The following MAD1L1 variants were observed in gnomAD, a reference collection of about 807,000 sequenced individuals.
MAD1L1 encodes the protein mitotic arrest deficient 1 like 1, also known as mitotic spindle assembly checkpoint protein MAD1.
A neutral mutation model predicts 96.9 loss-of-function variants in MAD1L1; 95 were observed. The ratio of observed to expected loss-of-function variants is 0.98; its 90% CI spans 0.83 to 1.16. The LOEUF is 1.16. Among genes scored for constraint, MAD1L1 ranks in the 50% most tolerant of loss-of-function variants. The pLI, the probability that MAD1L1 is intolerant of heterozygous loss-of-function variation, is 0.00. For missense variants in MAD1L1, 1,007 were observed against 954.4 expected (o/e 1.06, Z -0.73); for synonymous variants, 473 against 396.6 (o/e 1.19, Z -2.29).
intron 14 of MAD1L1, among the ~76,000 whole-genome samples, chr7:1,981,269 G>C (rs11764780): frequency 0.17 from 25,585 of 152,222 alleles, 2,700 homozygotes; most frequent in South Asian, 0.31. Context: ...GCCCGGCCAG[G>C]AGTGTGGATT....
intron 11 of MAD1L1, chr7:2,107,644 T>C (rs1162422437): frequency 5.9e-5 from 9 of 152,412 alleles, no homozygotes; most frequent in African/African-American, 2.2e-4. Context: ...CTCAGGCCTC[T>C]GCTCAGATGC....
At chr7:2,009,127 G>A (rs1253597853) in intron 13 of MAD1L1, among the ~76,000 whole-genome samples, 4 of 152,156 alleles carry the variant, frequency 2.6e-5, no homozygotes, top group Non-Finnish European at 5.9e-5. Context: ...ACGTGTCCCG[G>A]GTGGCTACGT....
rs572954945 is a variant in MAD1L1, at chr7:2,228,723, G to A, written c.150+1261C>T. Among the ~76,000 whole-genome samples, 6 of 149,668 alleles carry A rather than the reference G, an allele frequency of 4.0e-5. No homozygotes were observed. The East Asian group carries it at 1.2e-3, about 29-fold the overall frequency. ...ACAGTCCTCATCAAGAAAGGGCAGT[G>A]AGCAAGCTAGCAACTAGCATTCTTT... On this transcript the variant is annotated intron_variant, in intron 3 of 18. Transcript: ENST00000265854.
At chr7:2,040,814 T>C (rs1266258245) in intron 12 of MAD1L1, among the ~76,000 whole-genome samples, 1 of 152,222 alleles carries the variant, frequency 6.6e-6, no homozygotes, top group Non-Finnish European at 1.5e-5. Flanking sequence ...CTCTTCATTA[T>C]ACTTAACAGA....
Position 2,056,562 on chromosome 7 carries a change from C to A in MAD1L1, c.1218+12632G>T, listed in dbSNP as rs550163524. On this transcript the variant is annotated intron_variant, in intron 12 of 18. Transcript: ENST00000265854. ...GGAAGGAAGTACAAGACTGGCTCCA[C>A]GACCCATCTGCAAAGCGACCCAGGA... is the stretch of plus-strand genomic sequence containing the variant. Among the ~76,000 whole-genome samples, 4 of 152,316 alleles carry A rather than the reference C, an allele frequency of 2.6e-5. No homozygotes were observed. In the South Asian group the frequency reaches 6.2e-4, roughly 24 times the overall value.
intron 12 of MAD1L1, among the ~76,000 whole-genome samples, chr7:2,017,261 A>G (rs1413746619): frequency 6.6e-6 from 1 of 152,220 alleles, no homozygotes; most frequent in Non-Finnish European, 1.5e-5. Context: ...TGCTGAACAA[A>G]CAGGCGGCTG....
intron 13 of MAD1L1, among the ~76,000 whole-genome samples, chr7:2,009,257 C>T (rs1434997709): frequency 1.3e-5 from 2 of 152,222 alleles, no homozygotes; most frequent in Non-Finnish European, 2.9e-5. Flanking sequence ...TCCAACACTC[C>T]TGCCAGCCAG....
intron 14 of MAD1L1, among the ~76,000 whole-genome samples, chr7:1,993,224 C>A (rs147670179): frequency 4.2e-4 from 64 of 152,310 alleles, no homozygotes; most frequent in African/African-American, 1.5e-3. Context: ...CAGTGACATG[C>A]AGGTGACTGA....
Position 1,840,368 on chromosome 7 carries a change from C to T in MAD1L1, c.1999-24140G>A, listed in dbSNP as rs557593213. 3.4e-4 allele frequency among the ~76,000 whole-genome samples: 52 copies of T among 152,336 alleles called. 1 individual carries two copies. The South Asian group carries it at 6.4e-3, about 19-fold the overall frequency. On this transcript the variant is annotated intron_variant, in intron 18 of 18. Coordinates refer to ENST00000265854, the MANE Select transcript of MAD1L1 (RefSeq NM_001013836.2). ...AGTGCGCCCCGGGGTATCTGGGAGA[C>T]GCCTCTGCACAGTCTTTGAATCGGG...
intron 18 of MAD1L1, chr7:1,845,713 T>TGGACACGCTCCACGC (rs1312875656): frequency 1.3e-5 from 2 of 150,450 alleles, no homozygotes; most frequent in Non-Finnish European, 3.0e-5. Flanking sequence ...GTTTAGGAGA[T>TGGACACGCTCCACGC]GGACACGCTC....
chr7:1,896,218 G>A (rs1297960407), intron 18 of MAD1L1, among the ~76,000 whole-genome samples: 2 of 152,222 alleles, frequency 1.3e-5, no homozygotes, highest in South Asian at 2.1e-4. Flanking sequence ...GGAGGGCAGG[G>A]GTTCCTGCCC....
chr7:1,958,012 G>A (rs991403398), intron 15 of MAD1L1, among the ~76,000 whole-genome samples: 3 of 152,214 alleles, frequency 2.0e-5, no homozygotes, highest in Non-Finnish European at 2.9e-5. Context: ...GAACCAGCCC[G>A]AGGCAGGACG....
intron 13 of MAD1L1, among the ~76,000 whole-genome samples, chr7:2,011,072 G>A (rs537739118): frequency 4.6e-5 from 7 of 152,274 alleles, no homozygotes; most frequent in South Asian, 2.1e-4. Context: ...CAGGGGGTTC[G>A]GGGGGAGCAC....
intron 13 of MAD1L1, among the ~76,000 whole-genome samples, chr7:2,009,675 G>A (rs534206935): frequency 4.1e-4 from 62 of 152,292 alleles, no homozygotes; most frequent in Admixed American, 6.5e-4. Flanking sequence ...GTCAGTGCAC[G>A]GTCAGGGGCT....
At chr7:1,884,228 G>C (rs1255170474) in intron 18 of MAD1L1, among the ~76,000 whole-genome samples, 1 of 152,228 alleles carries the variant, frequency 6.6e-6, no homozygotes, top group African/African-American at 2.4e-5. Context: ...AGCTGCCCTG[G>C]CTGAAGAGAC....
intron 10 of MAD1L1, among the ~76,000 whole-genome samples, chr7:2,209,094 A>T (rs1211869473): frequency 1.3e-5 from 2 of 152,046 alleles, no homozygotes; most frequent in Non-Finnish European, 2.9e-5. Context: ...AGAAACTAAC[A>T]TGCCCCCAGC....
At chr7:2,220,513 G>A (rs994755632) in intron 5 of MAD1L1, among the ~76,000 whole-genome samples, 8 of 152,224 alleles carry the variant, frequency 5.3e-5, no homozygotes, top group African/African-American at 1.7e-4. Context: ...GGAAACACAC[G>A]GGCGTGATGT....
chr7:1,867,677 G>A (rs1342665455), intron 18 of MAD1L1, among the ~76,000 whole-genome samples: 3 of 152,218 alleles, frequency 2.0e-5, no homozygotes, highest in Non-Finnish European at 4.4e-5. Context: ...GCAGGGAGAA[G>A]GGCCACGCTT....
chr7:1,895,361 C>A (rs1428748830), intron 18 of MAD1L1, among the ~76,000 whole-genome samples: 4 of 152,164 alleles, frequency 2.6e-5, no homozygotes, highest in Non-Finnish European at 4.4e-5. Context: ...CCAGCACCCC[C>A]CTGGCAACAG....
Sources: gnomAD v4.1 joint callset for allele counts (sites outside exome capture counted in the v4.1 genomes callset) on GRCh38, gnomAD v4.1.1 for gene constraint, MANE v1.5 for transcripts, NCBI Gene and HGNC (gene_info 2026-07-23, HGNC 2026-07-21) for gene names.